METTL15: variants seen among roughly 807,000 people sequenced by gnomAD.
METTL15 encodes 12S rRNA N(4)-cytidine methyltransferase METTL15.
METTL15 carries 34 observed loss-of-function variants against 38.3 expected under a neutral mutation model. The observed-to-expected ratio is 0.89, with a 90% CI of 0.68 to 1.18. The LOEUF (loss-of-function observed/expected upper bound fraction) is 1.18. Among genes scored for constraint, METTL15 ranks in the 50% most tolerant of loss-of-function variants. The pLI, the probability that METTL15 is intolerant of heterozygous loss-of-function variation, is 0.00. For synonymous variants in METTL15, 162 were observed against 170.9 expected (o/e 0.95, Z 0.41); for missense variants, 438 against 498.4 (o/e 0.88, Z 1.15).
chr11:28,369,487 A>G (rs1850221899), intron 5 of METTL15, among the ~76,000 whole-genome samples: 1 of 152,122 alleles, frequency 6.6e-6, no homozygotes, highest in Non-Finnish European at 1.5e-5. Context: ...GAAGTCCACC[A>G]CAAGATACAT....
intron 3 of METTL15, among the ~76,000 whole-genome samples, chr11:28,345,640 C>T (rs1409792050): frequency 6.6e-6 from 1 of 152,176 alleles, no homozygotes; most frequent in Non-Finnish European, 1.5e-5. Context: ...GCAACCCTTA[C>T]GTATGAAGAA....
At chr11:28,312,996 C>T (rs1355587074) in intron 6 of METTL15, among the ~76,000 whole-genome samples, 2 of 151,700 alleles carry the variant, frequency 1.3e-5, no homozygotes, top group African/African-American at 4.8e-5. Flanking sequence ...TTTTTAAGCC[C>T]TGTCACTCTC....
At chr11:28,284,287 G>T (rs1220866823) in intron 4 of METTL15, among the ~76,000 whole-genome samples, 3 of 152,100 alleles carry the variant, frequency 2.0e-5, no homozygotes. Flanking sequence ...TTTACTCATA[G>T]TGAGTTATGA....
intron 6 of METTL15, among the ~76,000 whole-genome samples, chr11:28,523,072 T>C (rs1390520698): frequency 6.6e-6 from 1 of 152,224 alleles, no homozygotes. Context: ...AGACGGATTA[T>C]AAACCAATAG....
intron 6 of METTL15, among the ~76,000 whole-genome samples, chr11:28,451,376 G>A (rs1851118876): frequency 1.3e-5 from 2 of 152,066 alleles, no homozygotes; most frequent in African/African-American, 4.8e-5. Context: ...ACGAGGTCAG[G>A]AGATGGAGAC....
chr11:28,191,545 A>C (rs959652242), intron 3 of METTL15, among the ~76,000 whole-genome samples: 1 of 151,500 alleles, frequency 6.6e-6, no homozygotes, highest in African/African-American at 2.4e-5. Flanking sequence ...AATTTAAAAA[A>C]TCTTTATATA....
At chr11:28,438,738 G>A (rs1302539167) in intron 6 of METTL15, among the ~76,000 whole-genome samples, 1 of 142,290 alleles carries the variant, frequency 7.0e-6, no homozygotes, top group African/African-American at 2.6e-5. Context: ...GCAGTGGCAC[G>A]AACTCGGCTC....
At chr11:28,397,478 A>G (rs1319886305) in intron 5 of METTL15, among the ~76,000 whole-genome samples, 1 of 152,212 alleles carries the variant, frequency 6.6e-6, no homozygotes, top group African/African-American at 2.4e-5. Flanking sequence ...GCCAAAAGAC[A>G]CATGAAAAAA....
At chr11:28,445,765 C>T (rs1277149551) in intron 6 of METTL15, among the ~76,000 whole-genome samples, 1 of 152,098 alleles carries the variant, frequency 6.6e-6, no homozygotes, top group Non-Finnish European at 1.5e-5. Context: ...AGTCCTCCCA[C>T]TTAAGCCTCT....
chr11:28,284,456 G>A (rs955065473), intron 4 of METTL15, among the ~76,000 whole-genome samples: 1 of 152,144 alleles, frequency 6.6e-6, no homozygotes, highest in Admixed American at 6.6e-5. Context: ...GTAGCGATTT[G>A]TTATAGGCTT....
At chr11:28,459,491 C>T (rs553196024) in intron 6 of METTL15, among the ~76,000 whole-genome samples, 3 of 152,146 alleles carry the variant, frequency 2.0e-5, no homozygotes, top group South Asian at 2.1e-4. Flanking sequence ...ATTTCAGGGC[C>T]GGTAAAATAA....
At chr11:28,446,203 A>G (rs1368402609) in intron 6 of METTL15, among the ~76,000 whole-genome samples, 1 of 152,032 alleles carries the variant, frequency 6.6e-6, no homozygotes, top group African/African-American at 2.4e-5. Flanking sequence ...GCCGGGGTGT[A>G]AGCTCCCATC....
At chr11:28,387,514 C>A (rs1375232575) in intron 5 of METTL15, among the ~76,000 whole-genome samples, 1 of 151,888 alleles carries the variant, frequency 6.6e-6, no homozygotes, top group Non-Finnish European at 1.5e-5. Flanking sequence ...AAAGCCTGAA[C>A]AGACCTATAA....
rs566477262 is a variant in METTL15, at chr11:28,187,009, T to C, written c.271-24053T>C. Among the ~76,000 whole-genome samples, 26 of 151,356 alleles carry C rather than the reference T, an allele frequency of 1.7e-4. No individual in the cohort carries two copies. The South Asian group carries it at 5.2e-3, about 30-fold the overall frequency. The stretch of plus-strand genomic sequence containing the variant: ...CTTATAAAGAAACTTCTTAAAAATA[T>C]AAAAGCAATGTTTTTCTTCATGAGC... On this transcript the variant is annotated intron_variant, in intron 3 of 6. Coordinates refer to ENST00000407364, the MANE Select transcript of METTL15 (RefSeq NM_001113528.2).
At chr11:28,279,914 CAA>C (rs57284585) in intron 4 of METTL15, among the ~76,000 whole-genome samples, 48 of 81,612 alleles carry the variant, frequency 5.9e-4, no homozygotes, top group East Asian at 2.4e-3. Flanking sequence ...CAAAACAAAA[CAA>C]AAAAAAAAAA....
chr11:28,306,624 A>T (rs566996106), intron 6 of METTL15, among the ~76,000 whole-genome samples: 51 of 152,188 alleles, frequency 3.4e-4, no homozygotes, highest in Middle Eastern at 3.4e-3. Flanking sequence ...TTAAAGTAGT[A>T]GTGTCACACA....
chr11:28,164,199 C>T (rs1394055928), intron 3 of METTL15: 1 of 151,962 alleles, frequency 6.6e-6, no homozygotes, highest in Non-Finnish European at 1.5e-5. Context: ...CAGAAGCTCA[C>T]ACACGTAACG....
rs1856687483 is a variant in METTL15 at position 28,295,236 on chromosome 11, T to A, written c.600-1517T>A. On this transcript the variant is annotated intron_variant, in intron 5 of 6. Coordinates refer to ENST00000407364, the MANE Select transcript of METTL15 (RefSeq NM_001113528.2). ...GCACCAATAATTATCCAAACCATTCTGTGAGTTAAGAATTGTTACTTTCAT... is the reference window on the plus strand; with the variant it reads ...GCACCAATAATTATCCAAACCATTCAGTGAGTTAAGAATTGTTACTTTCAT... Among the ~76,000 whole-genome samples, 5 of 152,172 alleles carry A rather than the reference T, an allele frequency of 3.3e-5. No homozygotes were observed. In the South Asian group the frequency reaches 1.0e-3, roughly 31 times the overall value.
chr11:28,195,183 CG>C (rs1426474751), intron 3 of METTL15, among the ~76,000 whole-genome samples: 2 of 151,912 alleles, frequency 1.3e-5, no homozygotes, highest in African/African-American at 4.8e-5. Flanking sequence ...ATCCTTTTTG[CG>C]GGTATTGTTT....
Sources: allele counts gnomAD v4.1 joint callset (sites outside exome capture counted in the v4.1 genomes callset), GRCh38; gene constraint gnomAD v4.1.1; transcripts MANE v1.5; gene names NCBI Gene and HGNC (gene_info 2026-07-23, HGNC 2026-07-21).